Variants in ASAP3 observed in about 807,000 individuals in gnomAD.
ASAP3 encodes arf-GAP with SH3 domain, ANK repeat and PH domain-containing protein 3.
ASAP3 carries 85 observed loss-of-function variants against 118.2 expected under a neutral mutation model. That is an observed-to-expected ratio of 0.72 (90% CI 0.60 to 0.86). The LOEUF (loss-of-function observed/expected upper bound fraction) is 0.86, where lower values mean the gene tolerates loss of function less well. Ranked by LOEUF, ASAP3 falls within the 40% of genes least tolerant of loss-of-function variation. The pLI is 0.00. For synonymous variants in ASAP3, 432 were observed against 477.4 expected (o/e 0.90, Z 1.24); for missense variants, 1,026 against 1,175.0 (o/e 0.87, Z 1.85).
intron 22 of ASAP3, among the ~76,000 whole-genome samples, 158 bp downstream of exon 22, chr1:23,432,919 C>T (rs1640489228): frequency 1.3e-5 from 2 of 152,132 alleles, no homozygotes; most frequent in African/African-American, 4.8e-5. Context: ...GACTTAACAC[C>T]TCTGTTCTTT....
chr1:23,459,900 C>T (rs919713147), intron 1 of ASAP3, among the ~76,000 whole-genome samples: 1 of 152,206 alleles, frequency 6.6e-6, no homozygotes, highest in African/African-American at 2.4e-5. Flanking sequence ...TCACAAGAAA[C>T]CTGACTTTTC....
rs780659995 is a variant in ASAP3, at chr1:23,434,649, C to A, written c.1750-31G>T. ...AACACATCCACACCTCTGAGATTCC[C>A]CCCCCAGTGCACCTGCCTCCAACCC... On this transcript the variant is annotated intron_variant, in intron 17 of 24. Coordinates refer to ENST00000336689, the MANE Select transcript of ASAP3 (RefSeq NM_017707.4). 1.9e-6 allele frequency: 3 copies of A among 1,602,658 alleles called. No homozygotes were observed. In the East Asian group the frequency reaches 6.7e-5, roughly 36 times the overall value.
At chr1:23,447,840 C>T (rs1230442807) in intron 5 of ASAP3, among the ~76,000 whole-genome samples, 2 of 152,138 alleles carry the variant, frequency 1.3e-5, no homozygotes, top group Non-Finnish European at 2.9e-5. Context: ...TCAGCTTTGA[C>T]AAAATGTACA....
intron 1 of ASAP3, among the ~76,000 whole-genome samples, chr1:23,465,515 T>G (rs532206663): frequency 9.3e-5 from 14 of 150,688 alleles, no homozygotes; most frequent in Admixed American, 3.3e-4. Flanking sequence ...TCTTTTTTTT[T>G]GGGGGGGGGA....
chr1:23,440,630 G>A (rs545965026), intron 10 of ASAP3, among the ~76,000 whole-genome samples: 3 of 151,368 alleles, frequency 2.0e-5, no homozygotes, highest in South Asian at 2.1e-4. Flanking sequence ...GCTGAGGCGG[G>A]CGGATCACAA....
chr1:23,451,359 C>A, intron 5 of ASAP3, 120 bp downstream of exon 5: 1 of 1,111,146 alleles, frequency 9.0e-7, no homozygotes, highest in Middle Eastern at 2.0e-4. Context: ...GCTGTAAATG[C>A]CTCTACAGAG....
chr1:23,432,999 C>T (rs1322267111), intron 22 of ASAP3, 78 bp downstream of exon 22: 2 of 1,533,546 alleles, frequency 1.3e-6, no homozygotes, highest in Non-Finnish European at 1.8e-6. Flanking sequence ...CTAACATATG[C>T]ACTCAGCTCA....
chr1:23,441,419 G>T lies in ASAP3; in HGVS notation c.802C>A (p.Leu268Ile). Residue 268 changes from leucine (L) to isoleucine (I), a missense_variant, in exon 9 of 25, where the codon CTC becomes ATC. Leu to Ile is a conservative substitution (Grantham distance 5, BLOSUM62 2). Transcript: ENST00000336689. ...LQKLTQLRDS[L>I]RGTLQLESRE... ...CTCTCAAGCTGCAGTGTCCCTCGGA[G>T]GGAGTCCCGGAGCTGGGTCAGCTTC... is the stretch of plus-strand genomic sequence containing the variant. 2 of 1,614,178 alleles carry T rather than the reference G, an allele frequency of 1.2e-6. No homozygotes were observed. Among genetic ancestry groups the T allele is most frequent in the South Asian group, 2.2e-5 (2 of 91,070 alleles).
At chr1:23,474,559 G>A (rs1403407185) in intron 1 of ASAP3, among the ~76,000 whole-genome samples, 2 of 151,918 alleles carry the variant, frequency 1.3e-5, no homozygotes, top group African/African-American at 2.4e-5. Context: ...AGGTGATCTT[G>A]TCCATTCCAC....
chr1:23,451,019 T>A (rs927021617), intron 5 of ASAP3, among the ~76,000 whole-genome samples: 4 of 152,198 alleles, frequency 2.6e-5, no homozygotes, highest in Admixed American at 2.0e-4. Context: ...CAACTGACAC[T>A]GAGGAACGAG....
At position 23,435,922 on chromosome 1, in the gene ASAP3, G is replaced by A. The variant is rs773834302; in HGVS notation, c.1678C>T (p.Leu560Phe). 6 of 1,614,162 alleles carry A rather than the reference G, an allele frequency of 3.7e-6. No homozygotes were observed. In the South Asian group the frequency reaches 5.5e-5, roughly 15 times the overall value. ...GCAAAGGCCTCCAGTACCGACAGGA[G>A]GTCCCTGTTGCAAATGGCTGTCCAG... Reference protein sequence around the residue: ...RLWTAICNRDLLSVLEAFANG... With the variant: ...RLWTAICNRDFLSVLEAFANG... Residue 560 changes from leucine (L) to phenylalanine (F), a missense_variant, in exon 17 of 25, where the codon CTC becomes TTC. By Grantham distance (22) the Leu-to-Phe change is conservative. Transcript: ENST00000336689.
At position 23,437,234 on chromosome 1, in the gene ASAP3, C is replaced by G; in HGVS notation, c.1238G>C (p.Gly413Ala). The G allele has an allele frequency of 6.3e-7, 1 of 1,592,150 alleles. No individual in the cohort carries two copies. Among genetic ancestry groups the G allele is most frequent in the Non-Finnish European group, 8.5e-7 (1 of 1,169,646 alleles). The change falls in exon 14 of 25, where the codon GGG becomes GCG. Residue 413 changes from glycine to alanine, a missense_variant. Coordinates refer to ENST00000336689, the MANE Select transcript of ASAP3 (RefSeq NM_017707.4). This position sits in a 1 kb window ranked among gnomAD's most constrained non-coding sequence, Gnocchi z 6.1. ...CGGCTCCCCATCATGGCCGGCGGAC[C>G]CCCAGGACCCCGGGCCAGCGCTGGG... ...GEPSAGPGSW[G>A]SAGHDGEPHD...
At chr1:23,451,458 A>G (rs1219526317) in intron 5 of ASAP3, 21 bp downstream of exon 5, 3 of 1,612,558 alleles carry the variant, frequency 1.9e-6, no homozygotes, top group Non-Finnish European at 2.5e-6. Context: ...CAGACAAACG[A>G]CCCTGGCTGT....
rs1642425510 is a variant in ASAP3, at chr1:23,484,164, GGGCGCGGGGGGC to G, written c.-43_-32del. 8 of 1,252,108 alleles carry G rather than the reference GGGCGCGGGGGGC, an allele frequency of 6.4e-6. No individual in the cohort carries two copies. The highest frequency in any genetic ancestry group is 4.2e-5 in the Admixed American group (1 of 23,612). 77.6% of individuals were successfully genotyped at this position (1,252,108 alleles called of 1,614,324 possible). The stretch of plus-strand genomic sequence containing the variant: ...GCGCGAGCGTGGAGCTGCCGGAGCG[GGGCGCGGGGGGC>G]ACTGAGCTGCTCCGCGCTGAGCCGG... On this transcript the variant is annotated 5_prime_UTR_variant, in exon 1 of 25. Transcript: ENST00000336689.
At position 23,431,765 on chromosome 1, in the gene ASAP3, G is replaced by A. The variant is rs1283114763; in HGVS notation, c.2477C>T (p.Pro826Leu). Residue 826 changes from proline (P) to leucine (L), a missense_variant, in exon 23 of 25, where the codon CCA becomes CTA. Pro to Leu is a moderately conservative substitution (Grantham distance 98). Transcript: ENST00000336689. ...PNSEEGLREP[P>L]GTSRPSLTSG... ...TGTCAGGCTGGGTCTGGAGGTGCCT[G>A]GGGGCTCTCGGAGGCCCTCTTCAGA... 6.5e-7 allele frequency: 1 copy of A among 1,527,864 alleles called. No individual in the cohort carries two copies. The highest frequency in any genetic ancestry group is 2.3e-5 in the Admixed American group (1 of 43,828). 94.6% of individuals were successfully genotyped at this position (1,527,864 alleles called of 1,614,324 possible). A position where few individuals can be genotyped will look rare whatever the true frequency, so the allele number is the denominator to read the frequency against.
chr1:23,468,712 T>A (rs1056381515), intron 1 of ASAP3, among the ~76,000 whole-genome samples: 3 of 145,884 alleles, frequency 2.1e-5, no homozygotes, highest in African/African-American at 5.1e-5. Flanking sequence ...CTATCTCTAC[T>A]AAAAATACAA....
intron 1 of ASAP3, among the ~76,000 whole-genome samples, chr1:23,482,741 G>A (rs1198262242): frequency 6.6e-6 from 1 of 152,022 alleles, no homozygotes; most frequent in African/African-American, 2.4e-5. Context: ...GAGGTCAGGA[G>A]ATCGAGACCA....
chr1:23,453,482 G>A (rs1248263283), intron 3 of ASAP3, among the ~76,000 whole-genome samples: 1 of 152,150 alleles, frequency 6.6e-6, no homozygotes, highest in African/African-American at 2.4e-5. Context: ...GGGCCTGCTG[G>A]GCTATCCTGT....
chr1:23,439,329 C>T (rs1570343027), intron 10 of ASAP3, 99 bp from the exon 11 acceptor site: 2 of 1,071,760 alleles, frequency 1.9e-6, no homozygotes, highest in Non-Finnish European at 2.8e-6. Context: ...TGATCTCTAG[C>T]CACATCCCTT....
Sources: allele counts gnomAD v4.1 joint callset (sites outside exome capture counted in the v4.1 genomes callset), GRCh38; gene constraint gnomAD v4.1.1; non-coding constraint Gnocchi (gnomAD v3.1); transcripts MANE v1.5; gene names NCBI Gene and HGNC (gene_info 2026-07-23, HGNC 2026-07-21).